ZFHX3: variants seen among roughly 807,000 people sequenced by gnomAD.
ZFHX3 encodes zinc finger homeobox 3, also known as zinc finger homeobox protein 3.
A neutral mutation model predicts 279.1 loss-of-function variants in ZFHX3; 42 were observed. The observed-to-expected ratio is 0.15, with a 90% CI of 0.12 to 0.19. ZFHX3 has a LOEUF of 0.19. ZFHX3 is among the 10% of genes least tolerant of loss of function. The pLI is 1.00. For synonymous variants in ZFHX3, 2,293 were observed against 1,957.8 expected (o/e 1.17, Z -4.52); for missense variants, 4,981 against 4,754.0 (o/e 1.05, Z -1.40).
chr16:73,655,551 T>C (rs1365768047), intron 2 of ZFHX3, among the ~76,000 whole-genome samples: 1 of 152,088 alleles, frequency 6.6e-6, no homozygotes, highest in East Asian at 1.9e-4. Flanking sequence ...TGAGTAAAAA[T>C]AAATCTAACA....
chr16:73,351,514 C>G (rs1426920617), intron 3 of ZFHX3, among the ~76,000 whole-genome samples: 1 of 152,172 alleles, frequency 6.6e-6, no homozygotes, highest in Non-Finnish European at 1.5e-5. Context: ...GAACCTGTTT[C>G]TTTCCCCCCA....
chr16:72,797,150 C>G lies in ZFHX3; in HGVS notation c.5532G>C (p.Gln1844His), dbSNP rs201947217. ...DLKAQVQVPQ[Q>H]SHQQILPQQQ... Reference sequence around the variant, plus strand: ...GCTGCGGCAAGATCTGCTGATGGCTCTGCTGTGGGACCTGAACCTGAGCCT... The same window carrying G: ...GCTGCGGCAAGATCTGCTGATGGCTGTGCTGTGGGACCTGAACCTGAGCCT... Residue 1844 changes from glutamine (Q) to histidine (H), a missense_variant, in exon 9 of 10, where the codon CAG (glutamine) becomes CAC (histidine). Physicochemically the swap from Gln to His is conservative, Grantham distance 24. Around this residue, in one of 7 missense-constraint regions of ZFHX3, gnomAD observed 1,751 missense variants for 1,770.0 expected, o/e 0.99. Transcript: ENST00000268489. The G allele has an allele frequency of 2.7e-5, 44 of 1,613,916 alleles. No individual in the cohort carries two copies. The highest frequency in any genetic ancestry group is 2.1e-4 in the South Asian group (19 of 91,082).
At chr16:72,850,968 T>G (rs115717987) in intron 4 of ZFHX3, among the ~76,000 whole-genome samples, 2,164 of 151,990 alleles carry the variant, frequency 0.014, 45 homozygotes, top group African/African-American at 0.049. Context: ...GGCCAAGTGG[T>G]GACAGGGCCC....
intron 1 of ZFHX3, among the ~76,000 whole-genome samples, chr16:73,043,500 G>T (rs1965188184): frequency 2.0e-5 from 3 of 152,124 alleles, no homozygotes; most frequent in Non-Finnish European, 2.9e-5. Context: ...ATGAATGAAG[G>T]CTGAAAGGCA....
intron 5 of ZFHX3, among the ~76,000 whole-genome samples, chr16:73,224,349 T>C (rs1267511324): frequency 6.6e-6 from 1 of 152,220 alleles, no homozygotes; most frequent in Non-Finnish European, 1.5e-5. Context: ...CGAAAGTGTA[T>C]TACAAAAAGT....
intron 2 of ZFHX3, among the ~76,000 whole-genome samples, chr16:73,476,936 G>A (rs2018775394): frequency 6.6e-6 from 1 of 152,144 alleles, no homozygotes; most frequent in Admixed American, 6.5e-5. Context: ...CATTTTCTTT[G>A]TGAAGTCTCC....
chr16:73,422,096 A>G (rs1299482834), intron 3 of ZFHX3, among the ~76,000 whole-genome samples: 2 of 152,114 alleles, frequency 1.3e-5, no homozygotes, highest in Non-Finnish European at 2.9e-5. Flanking sequence ...CTTGCTTTCT[A>G]CCTATTTCTA....
chr16:72,804,952 G>A (rs1435707454), intron 7 of ZFHX3, among the ~76,000 whole-genome samples: 1 of 151,682 alleles, frequency 6.6e-6, no homozygotes, highest in Non-Finnish European at 1.5e-5. Flanking sequence ...TCTGTGTGCT[G>A]GAAAGCAGAG....
intron 2 of ZFHX3, chr16:73,486,948 C>G (rs1228684178): frequency 2.3e-6 from 1 of 437,814 alleles, no homozygotes; most frequent in Non-Finnish European, 4.6e-6. Context: ...ATTTGGGTTA[C>G]TGGGTATTTA....
intron 3 of ZFHX3, among the ~76,000 whole-genome samples, chr16:72,921,992 T>C (rs142279170): frequency 0.012 from 1,884 of 152,280 alleles, 16 homozygotes; most frequent in Middle Eastern, 0.031. Flanking sequence ...ACCAAACTCC[T>C]TGGAGAAACA....
intron 5 of ZFHX3, among the ~76,000 whole-genome samples, chr16:73,224,485 A>T (rs909873599): frequency 6.6e-6 from 1 of 152,242 alleles, no homozygotes; most frequent in African/African-American, 2.4e-5. Context: ...CATGAAAAGC[A>T]GATGGGCCTC....
At chr16:73,653,053 T>C (rs2052686449) in intron 2 of ZFHX3, among the ~76,000 whole-genome samples, 1 of 152,050 alleles carries the variant, frequency 6.6e-6, no homozygotes, top group African/African-American at 2.4e-5. Flanking sequence ...CGTGAACATA[T>C]CAACCAGAAG....
At chr16:73,678,552 A>T (rs2052977486) in intron 2 of ZFHX3, among the ~76,000 whole-genome samples, 1 of 152,172 alleles carries the variant, frequency 6.6e-6, no homozygotes, top group African/African-American at 2.4e-5. Context: ...GTCTTCTAAA[A>T]TCTGGTATTG....
intron 3 of ZFHX3, among the ~76,000 whole-genome samples, chr16:73,372,578 G>A (rs899629651): frequency 6.6e-6 from 1 of 152,184 alleles, no homozygotes; most frequent in African/African-American, 2.4e-5. Context: ...CTGTAATGAA[G>A]TTGTTGTTTA....
intron 1 of ZFHX3, among the ~76,000 whole-genome samples, chr16:73,759,267 G>C (rs371604277): frequency 6.6e-6 from 1 of 152,164 alleles, no homozygotes; most frequent in African/African-American, 2.4e-5. Context: ...CATCACATGA[G>C]CCAAAGTGGG....
intron 4 of ZFHX3, among the ~76,000 whole-genome samples, chr16:72,862,266 G>A (rs1043295131): frequency 5.3e-5 from 8 of 152,166 alleles, no homozygotes; most frequent in Admixed American, 2.0e-4. Flanking sequence ...GCCCTCCCTA[G>A]GACACCAATT....
intron 2 of ZFHX3, among the ~76,000 whole-genome samples, chr16:73,540,749 C>T (rs551560208): frequency 6.6e-6 from 1 of 152,354 alleles, no homozygotes; most frequent in East Asian, 1.9e-4. Context: ...ACATACTCCT[C>T]AATGGCAACC....
At chr16:72,813,069 A>T (rs1026754192) in intron 5 of ZFHX3, among the ~76,000 whole-genome samples, 5 of 152,220 alleles carry the variant, frequency 3.3e-5, no homozygotes, top group African/African-American at 1.2e-4. Context: ...GCTTAAACAC[A>T]GTATGGTTGG....
chr16:73,746,581 G>A (rs1165221275), intron 1 of ZFHX3, among the ~76,000 whole-genome samples: 3 of 152,172 alleles, frequency 2.0e-5, no homozygotes, highest in Admixed American at 1.3e-4. Context: ...GTCCTGTGAC[G>A]AGTGGGAGTT....
Sources: allele counts gnomAD v4.1 joint callset (sites outside exome capture counted in the v4.1 genomes callset), GRCh38; gene constraint gnomAD v4.1.1; regional missense constraint gnomAD v4.1.1; transcripts MANE v1.5; gene names NCBI Gene and HGNC (gene_info 2026-07-23, HGNC 2026-07-21).